KIR3DL2: variants seen among roughly 807,000 people sequenced by gnomAD.
The protein encoded by KIR3DL2 is killer cell immunoglobulin like receptor, three Ig domains and long cytoplasmic tail 2, also known as killer cell immunoglobulin-like receptor 3DL2.
KIR3DL2 carries 42 observed loss-of-function variants against 41.6 expected under a neutral mutation model. The observed-to-expected ratio is 1.01, with a 90% CI of 0.79 to 1.31. KIR3DL2 has a LOEUF of 1.31. KIR3DL2 is among the 50% of genes most tolerant of loss of function. The pLI is 0.00. For missense variants in KIR3DL2, 728 were observed against 576.8 expected, an observed-to-expected ratio of 1.26 and a Z score of -2.68; for synonymous variants, 230 against 221.3, an observed-to-expected ratio of 1.04 and a Z score of -0.35.
In KIR3DL2 at chr19:54,859,201, G is replaced by A. The variant is rs2065002953; in HGVS notation, c.1000+72G>A. ...GTGGAAGCCTTGGATGCAAGTGTTG[G>A]CTCAAACCTCCCAGCTCTGTGAATG... is the stretch of plus-strand genomic sequence containing the variant. On this transcript the variant is annotated intron_variant, in intron 6 of 8. Coordinates refer to ENST00000326321, the MANE Select transcript of KIR3DL2 (RefSeq NM_006737.4). 3 of 1,343,816 alleles carry A rather than the reference G, an allele frequency of 2.2e-6. No individual in the cohort carries two copies. In the South Asian group the frequency reaches 3.6e-5, roughly 16 times the overall value. 83.2% of individuals were successfully genotyped at this position (1,343,816 alleles called of 1,614,324 possible). A position where few individuals can be genotyped will look rare whatever the true frequency, so the allele number is the denominator to read the frequency against.
rs773834403 is a variant in KIR3DL2, at chr19:54,866,394, C to T, written c.1130C>T (p.Pro377Leu). The change falls in exon 8 of 9, where the codon CCT becomes CTT. Residue 377 changes from proline to leucine, a missense_variant. By Grantham distance (98) the Pro-to-Leu change is moderately conservative. Coordinates refer to ENST00000326321, the MANE Select transcript of KIR3DL2 (RefSeq NM_006737.4). The stretch of plus-strand genomic sequence containing the variant: ...GATGCTGCTGTAATGGACCAAGAGC[C>T]TGCGGGGGACAGAACAGTGAATAGG... ...KKNAAVMDQE[P>L]AGDRTVNRQD... The T allele has an allele frequency of 6.2e-6, 10 of 1,613,856 alleles. No homozygotes were observed. The highest frequency in any genetic ancestry group is 4.4e-5 in the South Asian group (4 of 91,084).
At chr19:54,861,752 G>T (rs1379446489) in intron 6 of KIR3DL2, among the ~76,000 whole-genome samples, 1 of 151,276 alleles carries the variant, frequency 6.6e-6, no homozygotes, top group Non-Finnish European at 1.5e-5. Context: ...TTACTTCTTT[G>T]ATCCTTTATC....
chr19:54,859,199 T>G (rs2145665024), intron 6 of KIR3DL2, 70 bp downstream of exon 6: 1 of 1,368,312 alleles, frequency 7.3e-7, no homozygotes, highest in South Asian at 1.2e-5. Context: ...ATGCAAGTGT[T>G]GGCTCAAACC....
In KIR3DL2 at chr19:54,853,904, C is replaced by T; in HGVS notation, c.513C>T (p.Ile171=). The change falls in exon 4 of 9, where the codon ATC becomes ATT. Residue 171 remains isoleucine (I), a synonymous_variant. Transcript: ENST00000326321. The stretch of plus-strand genomic sequence containing the variant: ...ACCCCTCACGCCTCGTTGGACAGAT[C>T]CATGATGGGGTCTCCAAGGCCAACT... ...SEDPSRLVGQ[I]HDGVSKANFS... is the part of the protein sequence containing the mutation. The T allele has an allele frequency of 3.1e-6, 5 of 1,613,412 alleles. No homozygotes were observed. The South Asian group carries it at 3.3e-5, about 11-fold the overall frequency.
chr19:54,858,307 T>A (rs1402739290), intron 5 of KIR3DL2, among the ~76,000 whole-genome samples: 2 of 151,098 alleles, frequency 1.3e-5, no homozygotes, highest in Non-Finnish European at 2.9e-5. Flanking sequence ...CATTTTCATT[T>A]GATTTTTGTG....
intron 3 of KIR3DL2, among the ~76,000 whole-genome samples, chr19:54,853,180 G>A (rs1182815745): frequency 6.6e-6 from 1 of 151,566 alleles, no homozygotes; most frequent in South Asian, 2.1e-4. Context: ...ATCAGCAAGG[G>A]TGGGATGCTG....
At chr19:54,866,496 C>G in intron 8 of KIR3DL2, 26 bp from the exon 9 acceptor site, 1 of 1,614,026 alleles carries the variant, frequency 6.2e-7, no homozygotes, top group Non-Finnish European at 8.5e-7. Context: ...AGCACCCTCC[C>G]TCACTCAGCA....
At position 54,853,995 on chromosome 19, in the gene KIR3DL2, T is replaced by TC; in HGVS notation, c.609dup (p.Tyr204LeufsTer8). 6.2e-7 allele frequency: 1 copy of TC among 1,612,986 alleles called. No individual in the cohort carries two copies. The highest frequency in any genetic ancestry group is 2.2e-5 in the East Asian group (1 of 44,854). On this transcript the variant is annotated frameshift_variant, in exon 4 of 9. Coordinates refer to ENST00000326321, the MANE Select transcript of KIR3DL2 (RefSeq NM_006737.4). LOFTEE classifies it high-confidence loss of function. ...CAGATGTTATGGTTCTGTTCCTCACTCCCCCTATCAGTTGTCAGCTCCCAG... is the reference window on the plus strand; with the variant it reads ...CAGATGTTATGGTTCTGTTCCTCACTCCCCCCTATCAGTTGTCAGCTCCCAG...
chr19:54,853,614 A>G (rs1460642241), intron 3 of KIR3DL2, 133 bp from the exon 4 acceptor site: 1 of 1,043,296 alleles, frequency 9.6e-7, no homozygotes, highest in East Asian at 2.8e-5. Flanking sequence ...GGATATGGGC[A>G]CAGAAAAGAC....
In KIR3DL2 at chr19:54,852,390, G is replaced by A. The variant is rs2064350829; in HGVS notation, c.355+108G>A. The stretch of plus-strand genomic sequence containing the variant: ...ATCACCCAGGCCCCAACTGTATTTG[G>A]GGTCAAGGGAGATTGAATACAGGGG... On this transcript the variant is annotated intron_variant, in intron 3 of 8. Transcript: ENST00000326321. 8 of 1,441,088 alleles carry A rather than the reference G, an allele frequency of 5.6e-6. No homozygotes were observed. In the Admixed American group the frequency reaches 1.7e-4, roughly 31 times the overall value. 89.3% of individuals were successfully genotyped at this position (1,441,088 alleles called of 1,614,324 possible).
chr19:54,865,362 T>C (rs758864099), intron 6 of KIR3DL2, among the ~76,000 whole-genome samples: 2 of 151,740 alleles, frequency 1.3e-5, no homozygotes, highest in Non-Finnish European at 2.9e-5. Flanking sequence ...AGAGATCACA[T>C]GGCAAGAGAG....
chr19:54,864,651 C>T (rs2065386424), intron 6 of KIR3DL2, among the ~76,000 whole-genome samples: 1 of 151,940 alleles, frequency 6.6e-6, no homozygotes, highest in South Asian at 2.1e-4. Context: ...TGATTTGGCT[C>T]TCTGTTTGTC....
intron 2 of KIR3DL2, 138 bp downstream of exon 2, chr19:54,851,393 C>G: frequency 1.1e-6 from 1 of 878,466 alleles, no homozygotes; most frequent in Non-Finnish European, 1.7e-6. Context: ...CATTTCTGAC[C>G]TCGCCCTCCC....
At chr19:54,855,527 C>G in intron 4 of KIR3DL2, 92 bp from the exon 5 acceptor site, 1 of 1,511,548 alleles carries the variant, frequency 6.6e-7, no homozygotes, top group Non-Finnish European at 8.9e-7. Flanking sequence ...AGCATTAGGT[C>G]ATAGAGCAGG....
rs758625134 is a variant in KIR3DL2 at position 54,866,569 on chromosome 19, T to C, written c.1206T>C (p.Asp402=). ...AGGAGGTGACGTACGCACAGTTGGA[T>C]CACTGCGTTTTCATACAGAGAAAAA... ...DPQEVTYAQL[D]HCVFIQRKIS... is the part of the protein sequence containing the mutation. The change falls in exon 9 of 9, where the codon GAT becomes GAC. Residue 402 remains aspartate, a synonymous_variant. Coordinates refer to ENST00000326321, the MANE Select transcript of KIR3DL2 (RefSeq NM_006737.4). The C allele has an allele frequency of 1.2e-6, 2 of 1,613,936 alleles. No homozygotes were observed. Among genetic ancestry groups the C allele is most frequent in the Non-Finnish European group, 1.7e-6 (2 of 1,179,986 alleles).
chr19:54,856,879 C>T (rs1386428528), intron 5 of KIR3DL2, among the ~76,000 whole-genome samples: 1 of 152,098 alleles, frequency 6.6e-6, no homozygotes, highest in East Asian at 1.9e-4. Flanking sequence ...GTTATTGTTT[C>T]TATGGATGAG....
chr19:54,854,006 G>A lies in KIR3DL2; in HGVS notation c.615G>A (p.Gln205=). Residue 205 remains glutamine (Q), a synonymous_variant, in exon 4 of 9, where the codon CAG becomes CAA. Transcript: ENST00000326321. ...GTTCTGTTCCTCACTCCCCCTATCA[G>A]TTGTCAGCTCCCAGTGACCCCCTGG... ...CYGSVPHSPY[Q]LSAPSDPLDI... 6.2e-7 allele frequency: 1 copy of A among 1,613,176 alleles called. No individual in the cohort carries two copies. Among genetic ancestry groups the A allele is most frequent in the Non-Finnish European group, 8.5e-7 (1 of 1,179,698 alleles).
At chr19:54,856,236 C>T (rs1181082386) in intron 5 of KIR3DL2, among the ~76,000 whole-genome samples, 5 of 151,582 alleles carry the variant, frequency 3.3e-5, no homozygotes, top group Admixed American at 2.0e-4. Context: ...TCCCAGAAGC[C>T]CATCCTGGCC....
At chr19:54,853,603 G>C in intron 3 of KIR3DL2, 144 bp from the exon 4 acceptor site, 3 of 908,926 alleles carry the variant, frequency 3.3e-6, no homozygotes, top group Middle Eastern at 7.5e-4. Context: ...CCTGCACCAG[G>C]GGATATGGGC....
Sources: allele counts gnomAD v4.1 joint callset (sites outside exome capture counted in the v4.1 genomes callset), GRCh38; gene constraint gnomAD v4.1.1; transcripts MANE v1.5; gene names NCBI Gene and HGNC (gene_info 2026-07-23, HGNC 2026-07-21).